The following TNFSF15 variants were observed in gnomAD, a reference collection of about 807,000 sequenced individuals.
TNFSF15 encodes TNF superfamily member 15.
Under a neutral mutation model 26.4 loss-of-function variants are expected in TNFSF15, and 15 were observed. That is an observed-to-expected ratio of 0.57 (90% CI 0.38 to 0.87). The LOEUF is 0.87. TNFSF15 is among the 40% of genes least tolerant of loss of function. The pLI is 0.00. For missense variants in TNFSF15, 290 were observed against 306.1 expected (o/e 0.95, Z 0.39); for synonymous variants, 116 against 115.0 (o/e 1.01, Z -0.06).
Position 114,790,409 on chromosome 9 carries a change from C to T in TNFSF15, c.*43G>A. ...ACATTTGAACAAAGAAAATTAGGAA[C>T]TCGGTGGCAGAGGACTTTCATATAA... On this transcript the variant is annotated 3_prime_UTR_variant, in exon 4 of 4. Coordinates refer to ENST00000374045, the MANE Select transcript of TNFSF15 (RefSeq NM_005118.4). 3 of 1,513,962 alleles carry T rather than the reference C, an allele frequency of 2.0e-6. No homozygotes were observed. The highest frequency in any genetic ancestry group is 2.7e-6 in the Non-Finnish European group (3 of 1,127,854). The allele number at this position is 1,513,962 out of a possible 1,614,324, so 93.8% of individuals were successfully genotyped here.
intron 1 of TNFSF15, among the ~76,000 whole-genome samples, chr9:114,797,006 G>A (rs1361477427): frequency 1.3e-5 from 2 of 152,172 alleles, no homozygotes; most frequent in Non-Finnish European, 2.9e-5. Flanking sequence ...CCTTTGGCAA[G>A]GCAGAAAACT....
chr9:114,805,092 T>G (rs1829800447), intron 1 of TNFSF15, among the ~76,000 whole-genome samples: 1 of 152,204 alleles, frequency 6.6e-6, no homozygotes, highest in East Asian at 1.9e-4. Flanking sequence ...GACTTCATAT[T>G]CTTTTTCTGA....
intron 1 of TNFSF15, among the ~76,000 whole-genome samples, chr9:114,800,458 G>A (rs576579411): frequency 2.6e-5 from 4 of 152,270 alleles, no homozygotes; most frequent in Admixed American, 1.3e-4. Flanking sequence ...ATCCCAGGAG[G>A]TGAATACTTG....
At chr9:114,799,757 A>T (rs1185243632) in intron 1 of TNFSF15, among the ~76,000 whole-genome samples, 2 of 152,110 alleles carry the variant, frequency 1.3e-5, no homozygotes, top group Admixed American at 6.6e-5. Context: ...CGATATGTTC[A>T]CTTTACCTGG....
intron 1 of TNFSF15, among the ~76,000 whole-genome samples, chr9:114,794,453 A>G (rs1251971222): frequency 6.6e-6 from 1 of 152,248 alleles, no homozygotes; most frequent in African/African-American, 2.4e-5. Context: ...TATGGAAAAT[A>G]GCATGGATAT....
chr9:114,791,927 G>T (rs531530961), intron 3 of TNFSF15: 1 of 169,284 alleles, frequency 5.9e-6, no homozygotes, highest in East Asian at 1.9e-4. Flanking sequence ...AGAATTACTT[G>T]CAGCTCCGAG....
chr9:114,797,285 T>A (rs998256145), intron 1 of TNFSF15, among the ~76,000 whole-genome samples: 4 of 152,204 alleles, frequency 2.6e-5, no homozygotes, highest in African/African-American at 9.7e-5. Flanking sequence ...TGGGCACACA[T>A]TTTATTTTCA....
In TNFSF15 at chr9:114,787,306, C is replaced by T. The variant is rs1240779739; in HGVS notation, c.*3146G>A. On this transcript the variant is annotated 3_prime_UTR_variant, in exon 4 of 4. Transcript: ENST00000374045. ...GTCATCAGCCTTAATCAAATGGCATCCATTTTCATAATGAGAATAGATCCA... is the reference window on the plus strand; with the variant it reads ...GTCATCAGCCTTAATCAAATGGCATTCATTTTCATAATGAGAATAGATCCA... 6.6e-6 allele frequency: 1 copy of T among 152,154 alleles called. No individual in the cohort carries two copies. The highest frequency in any genetic ancestry group is 1.9e-4 in the East Asian group (1 of 5,196). The allele number at this position is 152,154 out of a possible 1,614,324, so 9.4% of individuals were successfully genotyped here. A position where few individuals can be genotyped will look rare whatever the true frequency, so the allele number is the denominator to read the frequency against.
rs1829571919 is a variant in TNFSF15, at chr9:114,790,203, C to CT, written c.*248dup. 6 of 376,852 alleles carry CT rather than the reference C, an allele frequency of 1.6e-5. No homozygotes were observed. The highest frequency in any genetic ancestry group is 1.2e-4 in the African/African-American group (6 of 49,144). 23.3% of individuals were successfully genotyped at this position (376,852 alleles called of 1,614,324 possible). A position where few individuals can be genotyped will look rare whatever the true frequency, so the allele number is the denominator to read the frequency against. On this transcript the variant is annotated 3_prime_UTR_variant, in exon 4 of 4. Transcript: ENST00000374045. ...TGATCAGTGTCTTAATATTTAGAAA[C>CT]TCGCCAATCCTCCAACCCATCTTAA... is the stretch of plus-strand genomic sequence containing the variant.
At chr9:114,791,094 T>C (rs552053789) in intron 3 of TNFSF15, 188 bp from the exon 4 acceptor site, 1 of 647,816 alleles carries the variant, frequency 1.5e-6, no homozygotes, top group African/African-American at 1.8e-5. Flanking sequence ...GAGAATAACA[T>C]CTTGGACTAG....
intron 1 of TNFSF15, among the ~76,000 whole-genome samples, chr9:114,802,510 C>G (rs1829761994): frequency 6.6e-6 from 1 of 152,206 alleles, no homozygotes; most frequent in Non-Finnish European, 1.5e-5. Context: ...CTCAGCCTCC[C>G]AAAGTGCTGG....
intron 3 of TNFSF15, chr9:114,792,175 G>C: frequency 1.8e-6 from 1 of 545,114 alleles, no homozygotes; most frequent in Non-Finnish European, 3.2e-6. Flanking sequence ...TTCATCAACA[G>C]ATGAATAGAT....
At chr9:114,798,124 G>C (rs1026238329) in intron 1 of TNFSF15, among the ~76,000 whole-genome samples, 3 of 152,200 alleles carry the variant, frequency 2.0e-5, no homozygotes, top group Non-Finnish European at 4.4e-5. Context: ...GCCTCTAAAG[G>C]TCTTCATCAG....
At chr9:114,802,493 C>T (rs972057617) in intron 1 of TNFSF15, among the ~76,000 whole-genome samples, 4 of 152,156 alleles carry the variant, frequency 2.6e-5, no homozygotes, top group African/African-American at 4.8e-5. Flanking sequence ...CCTCGTGATC[C>T]GCCTGCCTCA....
In TNFSF15 at chr9:114,790,100, G is replaced by A; in HGVS notation, c.*352C>T. On this transcript the variant is annotated 3_prime_UTR_variant, in exon 4 of 4. Transcript: ENST00000374045. ...CAAATTGAACAATAACTGGACCACT[G>A]GTGACCATTGTATAGCAGGAAGGTG... The A allele has an allele frequency of 1.2e-5, 2 of 172,666 alleles. No homozygotes were observed. The highest frequency in any genetic ancestry group is 3.3e-4 in the South Asian group (2 of 5,988). 10.7% of individuals were successfully genotyped at this position (172,666 alleles called of 1,614,324 possible). A position where few individuals can be genotyped will look rare whatever the true frequency, so the allele number is the denominator to read the frequency against.
Position 114,786,149 on chromosome 9 carries a change from C to A in TNFSF15, c.*4303G>T, listed in dbSNP as rs1829496520. On this transcript the variant is annotated 3_prime_UTR_variant, in exon 4 of 4. Coordinates refer to ENST00000374045, the MANE Select transcript of TNFSF15 (RefSeq NM_005118.4). ...CTAAATTCTCTGTAGGTCCAGCTGC[C>A]AATATGATGCAAAAATGTTAATATC... is the stretch of plus-strand genomic sequence containing the variant. 6.6e-6 allele frequency: 1 copy of A among 152,146 alleles called. No homozygotes were observed. Among genetic ancestry groups the A allele is most frequent in the African/African-American group, 2.4e-5 (1 of 41,416 alleles). The allele number at this position is 152,146 out of a possible 1,614,324, so 9.4% of individuals were successfully genotyped here.
rs1212995101 is a variant in TNFSF15, at chr9:114,784,934, T to C, written c.*5518A>G. On this transcript the variant is annotated 3_prime_UTR_variant, in exon 4 of 4. Coordinates refer to ENST00000374045, the MANE Select transcript of TNFSF15 (RefSeq NM_005118.4). ...CCCCTGAAACAAAAAAAGGGGAACA[T>C]TACATGCTTTAATGACTTTAAGAAT... The C allele has an allele frequency of 6.6e-6, 1 of 152,200 alleles. No individual in the cohort carries two copies. The highest frequency in any genetic ancestry group is 1.5e-5 in the Non-Finnish European group (1 of 68,028). 9.4% of individuals were successfully genotyped at this position (152,200 alleles called of 1,614,324 possible).
chr9:114,794,895 T>C lies in TNFSF15; in HGVS notation c.211-1327A>G, dbSNP rs76827724. 5.8e-3 allele frequency among the ~76,000 whole-genome samples: 885 copies of C among 152,192 alleles called. 8 individuals are homozygous for C. Among genetic ancestry groups the C allele is most frequent in the African/African-American group, 0.02 (840 of 41,526 alleles). On this transcript the variant is annotated intron_variant, in intron 1 of 3. Transcript: ENST00000374045. Reference sequence around the variant, plus strand: ...GGAAAGGTGTGTGAGTGGGAGAGGATGGGGATGAAGTGAGGTTAGACAATG... The same window carrying C: ...GGAAAGGTGTGTGAGTGGGAGAGGACGGGGATGAAGTGAGGTTAGACAATG...
chr9:114,799,453 A>G (rs974988601), intron 1 of TNFSF15, among the ~76,000 whole-genome samples: 1 of 152,180 alleles, frequency 6.6e-6, no homozygotes, highest in South Asian at 2.1e-4. Flanking sequence ...GTATCTTTTT[A>G]TCACAAGGAG....
Sources: gnomAD v4.1 joint callset for allele counts (sites outside exome capture counted in the v4.1 genomes callset) on GRCh38, gnomAD v4.1.1 for gene constraint, MANE v1.5 for transcripts, NCBI Gene and HGNC (gene_info 2026-07-23, HGNC 2026-07-21) for gene names.